COG1: variants seen among roughly 807,000 people sequenced by gnomAD.
The protein encoded by COG1 is component of oligomeric golgi complex 1, also known as conserved oligomeric Golgi complex subunit 1.
In COG1, 61 loss-of-function variants were observed where a neutral mutation model predicts 102.2. That is an observed-to-expected ratio of 0.60 (90% CI 0.49 to 0.74). The LOEUF (loss-of-function observed/expected upper bound fraction) is 0.74, where lower values mean the gene tolerates loss of function less well. Ranked by LOEUF, COG1 falls within the 30% of genes least tolerant of loss-of-function variation. The probability of loss-of-function intolerance (pLI) is 0.00; values close to 1 mark genes in which losing one functional copy is unlikely to be tolerated. For missense variants in COG1, 1,164 were observed against 1,232.1 expected, an observed-to-expected ratio of 0.94 and a Z score of 0.83; for synonymous variants, 454 against 493.6, an observed-to-expected ratio of 0.92 and a Z score of 1.06.
intron 1 of COG1, among the ~76,000 whole-genome samples, chr17:73,194,159 T>TTTTTTTTTTTTTTTTGAGACGGAGTC (rs1467466251): frequency 6.7e-6 from 1 of 149,756 alleles, no homozygotes; most frequent in Admixed American, 6.7e-5. Flanking sequence ...AGAATTTTTA[T>TTTTTTTTTTTTTTTTGAGACGGAGTC]TGGCCGGGTG....
At chr17:73,207,808 AGTT>A (rs2061387264) in intron 13 of COG1, 3 of 1,284,222 alleles carry the variant, frequency 2.3e-6, no homozygotes, top group African/African-American at 1.5e-5. Flanking sequence ...TACAGCATCG[AGTT>A]GTTTGCTTTA....
At position 73,193,390 on chromosome 17, in the gene COG1, T is replaced by G; in HGVS notation, c.315+6T>G. On this transcript the variant is annotated splice_donor_region_variant and intron_variant, in intron 1 of 13. Transcript: ENST00000299886. ...GGCCACCGCGGGCCCAGCAGGTCAG[T>G]CCCCGTGCCCCCACCCTGCGACCCG... The G allele has an allele frequency of 6.9e-7, 1 of 1,443,988 alleles. No homozygotes were observed. Among genetic ancestry groups the G allele is most frequent in the Non-Finnish European group, 9.0e-7 (1 of 1,106,840 alleles). The allele number at this position is 1,443,988 out of a possible 1,614,324, so 89.4% of individuals were successfully genotyped here. A position where few individuals can be genotyped will look rare whatever the true frequency, so the allele number is the denominator to read the frequency against.
intron 1 of COG1, 23 bp downstream of exon 1, chr17:73,193,407 T>C (rs756803774): frequency 6.5e-4 from 913 of 1,395,800 alleles, no homozygotes; most frequent in Non-Finnish European, 7.9e-4. Flanking sequence ...GCCCCCACCC[T>C]GCGACCCGCA....
intron 4 of COG1, 117 bp downstream of exon 4, chr17:73,197,513 AT>A (rs2061330543): frequency 1.8e-6 from 2 of 1,081,772 alleles, no homozygotes; most frequent in Non-Finnish European, 2.8e-6. Context: ...AACTGGACAA[AT>A]AGAGGCCCTT....
In COG1 at chr17:73,200,045, C is replaced by T. The variant is rs370107743; in HGVS notation, c.1070+24C>T. 7 of 1,601,352 alleles carry T rather than the reference C, an allele frequency of 4.4e-6. 1 individual carries two copies. The highest frequency in any genetic ancestry group is 3.4e-4 in the Middle Eastern group (2 of 5,956). On this transcript the variant is annotated intron_variant, in intron 5 of 13. Transcript: ENST00000299886. ...ATGTAAGTAACCAGAAAGAGCTTCC[C>T]TGCAGCTGGCAGGAGCCACCCATGC...
chr17:73,197,112 C>T lies in COG1; in HGVS notation c.742+31C>T, dbSNP rs746443825. ...TGTGGCTTCTGGCCAACATTTGGTC[C>T]TTAAATATGGGATGGAGAAGGGTGA... On this transcript the variant is annotated intron_variant, in intron 3 of 13. Transcript: ENST00000299886. 5.6e-6 allele frequency: 9 copies of T among 1,613,740 alleles called. No homozygotes were observed. The South Asian group carries it at 9.9e-5, about 18-fold the overall frequency.
chr17:73,202,003 G>A lies in COG1; in HGVS notation c.2073+103G>A, dbSNP rs1330440683. On this transcript the variant is annotated intron_variant, in intron 7 of 13. Coordinates refer to ENST00000299886, the MANE Select transcript of COG1 (RefSeq NM_018714.3). ...TCAGTAGTAAAGGCAAAACAATTCT[G>A]ATTTCATACGGTTAACTTTATCTCT... The A allele has an allele frequency of 6.9e-6, 8 of 1,161,586 alleles. No homozygotes were observed. In the East Asian group the frequency reaches 2.0e-4, roughly 29 times the overall value. The allele number at this position is 1,161,586 out of a possible 1,614,324, so 72.0% of individuals were successfully genotyped here.
intron 5 of COG1, 61 bp downstream of exon 5, chr17:73,200,082 G>C: frequency 6.4e-7 from 1 of 1,560,442 alleles, no homozygotes; most frequent in Non-Finnish European, 8.7e-7. Context: ...GCCTTGTACG[G>C]GGCATTACAA....
Position 73,205,516 on chromosome 17 carries a change from C to T in COG1, c.2383-37C>T, listed in dbSNP as rs2061365502. The T allele has an allele frequency of 6.2e-6, 10 of 1,613,386 alleles. No individual in the cohort carries two copies. The East Asian group carries it at 1.8e-4, about 29-fold the overall frequency. On this transcript the variant is annotated intron_variant, in intron 9 of 13. Coordinates refer to ENST00000299886, the MANE Select transcript of COG1 (RefSeq NM_018714.3). The stretch of plus-strand genomic sequence containing the variant: ...TTATTACGCTCACATACCAAGTCCT[C>T]TCTCTTCATGGGTGGGGACTGGGAA...
intron 4 of COG1, among the ~76,000 whole-genome samples, chr17:73,198,376 C>G (rs2061333680): frequency 6.6e-6 from 1 of 152,068 alleles, no homozygotes; most frequent in South Asian, 2.1e-4. Flanking sequence ...CTGAGGCAGT[C>G]CAGGAGTTTG....
intron 13 of COG1, chr17:73,207,807 G>A (rs1362927286): frequency 7.0e-6 from 9 of 1,284,456 alleles, no homozygotes; most frequent in South Asian, 5.0e-5. Context: ...TTACAGCATC[G>A]AGTTGTTTGC....
intron 12 of COG1, 120 bp from the exon 13 acceptor site, chr17:73,207,061 C>T (rs771612049): frequency 1.1e-6 from 1 of 897,970 alleles, no homozygotes; most frequent in Non-Finnish European, 1.7e-6. Flanking sequence ...CCACTGCACT[C>T]CAGCCTGGGC....
chr17:73,198,866 A>C (rs1260295121), intron 4 of COG1, among the ~76,000 whole-genome samples: 2 of 152,238 alleles, frequency 1.3e-5, no homozygotes, highest in Non-Finnish European at 2.9e-5. Context: ...CCAAAGGTAG[A>C]AAGGAAACAG....
chr17:73,207,125 G>A (rs2061380134), intron 12 of COG1, 56 bp from the exon 13 acceptor site: 6 of 1,317,536 alleles, frequency 4.6e-6, no homozygotes, highest in Non-Finnish European at 6.4e-6. Flanking sequence ...TGAGGCTTCT[G>A]CTGGGCCCCA....
At chr17:73,195,002 CA>C (rs1418063003) in intron 1 of COG1, among the ~76,000 whole-genome samples, 1 of 152,192 alleles carries the variant, frequency 6.6e-6, no homozygotes, top group Admixed American at 6.5e-5. Flanking sequence ...AATAAGTTTG[CA>C]TATTTTTGAA....
Position 73,201,615 on chromosome 17 carries a change from G to GC in COG1, c.1789dup (p.Gln597ProfsTer51). Reference sequence around the variant, plus strand: ...AGCTACAGAGCATTGAAGAGGGTGTGCAAGGGCAACAGGATGCCCTCAACA... The same window carrying GC: ...AGCTACAGAGCATTGAAGAGGGTGTGCCAAGGGCAACAGGATGCCCTCAACA... On this transcript the variant is annotated frameshift_variant, in exon 7 of 14. Coordinates refer to ENST00000299886, the MANE Select transcript of COG1 (RefSeq NM_018714.3). LOFTEE classifies it high-confidence loss of function. 6.2e-7 allele frequency: 1 copy of GC among 1,614,212 alleles called. No homozygotes were observed. Among genetic ancestry groups the GC allele is most frequent in the Non-Finnish European group, 8.5e-7 (1 of 1,180,044 alleles).
In COG1 at chr17:73,208,144, C is replaced by T. The variant is rs76058650; in HGVS notation, c.2806-170C>T. 0.081 allele frequency: 122,718 copies of T among 1,508,214 alleles called. 5,490 individuals carry two copies. The highest frequency in any genetic ancestry group is 0.089 in the Non-Finnish European group (100,709 of 1,132,140). 93.4% of individuals were successfully genotyped at this position (1,508,214 alleles called of 1,614,324 possible). ...TTTGTCACAAAGGCTCATGCTGTTC[C>T]GTGTCCTCTTCAAATCTGGACCGAC... On this transcript the variant is annotated intron_variant, in intron 13 of 13. Transcript: ENST00000299886.
intron 9 of COG1, chr17:73,205,163 A>C (rs2061362890): frequency 7.1e-6 from 2 of 281,582 alleles, no homozygotes. Context: ...ACTCTATCTC[A>C]AAACAAACAA....
chr17:73,205,306 C>T, intron 9 of COG1: 1 of 502,136 alleles, frequency 2.0e-6, no homozygotes, highest in Non-Finnish European at 3.6e-6. Context: ...TTTAGAACAA[C>T]CATTTACAGC....
Sources: gnomAD v4.1 joint callset for allele counts (sites outside exome capture counted in the v4.1 genomes callset) on GRCh38, gnomAD v4.1.1 for gene constraint, MANE v1.5 for transcripts, NCBI Gene and HGNC (gene_info 2026-07-23, HGNC 2026-07-21) for gene names.